Variants in PCDHGB7 observed in about 807,000 individuals in gnomAD.
PCDHGB7 encodes the protein protocadherin gamma-B7.
PCDHGB7 carries 37 observed loss-of-function variants against 61.4 expected under a neutral mutation model. That is an observed-to-expected ratio of 0.60 (90% CI 0.46 to 0.79). PCDHGB7 has a LOEUF of 0.79. Ranked by LOEUF, PCDHGB7 falls within the 30% of genes least tolerant of loss-of-function variation. The pLI is 0.00. For synonymous variants in PCDHGB7, 464 were observed against 503.5 expected, an observed-to-expected ratio of 0.92 and a Z score of 1.05; for missense variants, 1,166 against 1,202.5, an observed-to-expected ratio of 0.97 and a Z score of 0.45.
chr5:141,461,773 C>T (rs894271810), intron 1 of PCDHGB7, among the ~76,000 whole-genome samples: 3 of 152,108 alleles, frequency 2.0e-5, no homozygotes, highest in Non-Finnish European at 4.4e-5. Context: ...CCTGCCTCAG[C>T]CTCCCAAGTA....
chr5:141,433,406 TTA>T (rs2097606059), intron 1 of PCDHGB7, among the ~76,000 whole-genome samples: 1 of 149,982 alleles, frequency 6.7e-6, no homozygotes. Flanking sequence ...TATCTATCTA[TTA>T]CTTTCTTGTA....
intron 2 of PCDHGB7, among the ~76,000 whole-genome samples, chr5:141,499,209 C>G (rs1171702973): frequency 6.6e-6 from 1 of 152,096 alleles, no homozygotes; most frequent in Admixed American, 6.5e-5. Context: ...GGCTGTAACC[C>G]AGGCCCTGCC....
intron 1 of PCDHGB7, chr5:141,478,812 A>C: frequency 1.4e-6 from 2 of 1,453,554 alleles, no homozygotes; most frequent in Non-Finnish European, 1.8e-6. Context: ...TTGCTATCAC[A>C]ACTAACCAAT....
chr5:141,486,148 G>A lies in PCDHGB7; in HGVS notation c.2416-8659G>A. On this transcript the variant is annotated intron_variant, in intron 1 of 3. Coordinates refer to ENST00000398594, the MANE Select transcript of PCDHGB7 (RefSeq NM_018927.4). This position sits in a 1 kb window ranked among gnomAD's most constrained non-coding sequence, Gnocchi z 5.0. ...AATTTGATGTGCGGGCTCGCGATGG[G>A]GGTTCTCCAGCCATGGAGCAACATT... 2 of 1,614,164 alleles carry A rather than the reference G, an allele frequency of 1.2e-6. No homozygotes were observed. The highest frequency in any genetic ancestry group is 1.7e-6 in the Non-Finnish European group (2 of 1,180,026).
rs147057088 is a variant in PCDHGB7 at position 141,432,065 on chromosome 5, A to C, written c.2415+11791A>C. 6.2e-7 allele frequency: 1 copy of C among 1,613,930 alleles called. No individual in the cohort carries two copies. Among genetic ancestry groups the C allele is most frequent in the Non-Finnish European group, 8.5e-7 (1 of 1,180,014 alleles). On this transcript the variant is annotated intron_variant, in intron 1 of 3. Coordinates refer to ENST00000398594, the MANE Select transcript of PCDHGB7 (RefSeq NM_018927.4). This position sits in a 1 kb window ranked among gnomAD's most constrained non-coding sequence, Gnocchi z 6.0. ...GGGAACCCCGCCCCTATCCACGGAA[A>C]CTCATATCTCGCTGAACGTGGCAGA...
chr5:141,477,611 C>T lies in PCDHGB7; in HGVS notation c.2416-17196C>T. On this transcript the variant is annotated intron_variant, in intron 1 of 3. Coordinates refer to ENST00000398594, the MANE Select transcript of PCDHGB7 (RefSeq NM_018927.4). This position sits in a 1 kb window ranked among gnomAD's most constrained non-coding sequence, Gnocchi z 4.9. ...TCGGCTTTCTTTCTTTCTCTTGGAG[C>T]AAGGAGCTGAAACCGGGCTAGTGGG... is the stretch of plus-strand genomic sequence containing the variant. The T allele has an allele frequency of 6.2e-7, 1 of 1,614,188 alleles. No homozygotes were observed. The highest frequency in any genetic ancestry group is 8.5e-7 in the Non-Finnish European group (1 of 1,180,036).
chr5:141,432,991 C>G lies in PCDHGB7; in HGVS notation c.2415+12717C>G, dbSNP rs1269992849. ...CGGCGTCGCACTTTGTGGGCGTGGACGGGGTGCAGGCTTTCCTGCAGACCT... is the reference window on the plus strand; with the variant it reads ...CGGCGTCGCACTTTGTGGGCGTGGAGGGGGTGCAGGCTTTCCTGCAGACCT... On this transcript the variant is annotated intron_variant, in intron 1 of 3. Transcript: ENST00000398594. The surrounding 1 kb of genome is among the most constrained non-coding windows in gnomAD (Gnocchi z 6.0). The G allele has an allele frequency of 6.2e-7, 1 of 1,614,200 alleles. No homozygotes were observed. Among genetic ancestry groups the G allele is most frequent in the Admixed American group, 1.7e-5 (1 of 60,032 alleles).
Position 141,418,514 on chromosome 5 carries a change from G to A in PCDHGB7, c.655G>A (p.Asp219Asn). ...HLVLTALDGG[D>N]PPRSGTAQIR... Reference sequence around the variant, plus strand: ...GGTACTGACCGCCTTAGATGGTGGGGACCCTCCCCGAAGCGGTACTGCTCA... The same window carrying A: ...GGTACTGACCGCCTTAGATGGTGGGAACCCTCCCCGAAGCGGTACTGCTCA... Residue 219 changes from aspartate (D) to asparagine (N), a missense_variant, in exon 1 of 4, where the codon GAC (aspartate) becomes AAC (asparagine). Physicochemically the swap from Asp to Asn is conservative, Grantham distance 23. Transcript: ENST00000398594. 1 of 1,613,996 alleles carries A rather than the reference G, an allele frequency of 6.2e-7. No homozygotes were observed.
rs1340147578 is a variant in PCDHGB7, at chr5:141,487,141, T to C, written c.2416-7666T>C. On this transcript the variant is annotated intron_variant, in intron 1 of 3. Transcript: ENST00000398594. This position sits in a 1 kb window ranked among gnomAD's most constrained non-coding sequence, Gnocchi z 5.0. ...AGGATAGTGGTAGTCCACCACTCTCTACCTCTGTTACTCTCTTAGTGTCCT... is the reference window on the plus strand; with the variant it reads ...AGGATAGTGGTAGTCCACCACTCTCCACCTCTGTTACTCTCTTAGTGTCCT... The C allele has an allele frequency of 1.2e-6, 2 of 1,613,882 alleles. No individual in the cohort carries two copies. Among genetic ancestry groups the C allele is most frequent in the African/African-American group, 2.7e-5 (2 of 74,934 alleles).
chr5:141,472,494 C>T (rs561045783), intron 1 of PCDHGB7, among the ~76,000 whole-genome samples: 9 of 151,168 alleles, frequency 6.0e-5, no homozygotes, highest in South Asian at 2.1e-4. Context: ...GAGACGAGAT[C>T]GTGCCACTGC....
At chr5:141,426,539 T>C in intron 1 of PCDHGB7, 2 of 347,388 alleles carry the variant, frequency 5.8e-6, no homozygotes, top group South Asian at 4.4e-5. Flanking sequence ...GGGAACATAC[T>C]TGTGAGTGAC....
chr5:141,490,092 C>T lies in PCDHGB7; in HGVS notation c.2416-4715C>T. On this transcript the variant is annotated intron_variant, in intron 1 of 3. Coordinates refer to ENST00000398594, the MANE Select transcript of PCDHGB7 (RefSeq NM_018927.4). This position sits in a 1 kb window ranked among gnomAD's most constrained non-coding sequence, Gnocchi z 5.4. ...AACTAGACTATTCTTTTGGAGACCA[C>T]ACATCTGAGGCAGTGCGGAACCTCT... 6.2e-7 allele frequency: 1 copy of T among 1,614,240 alleles called. No individual in the cohort carries two copies.
At chr5:141,456,364 G>A (rs778916049) in intron 1 of PCDHGB7, among the ~76,000 whole-genome samples, 2 of 152,258 alleles carry the variant, frequency 1.3e-5, no homozygotes, top group Admixed American at 6.5e-5. Flanking sequence ...TCCATGTGTG[G>A]TTCAGTTTAC....
chr5:141,433,017 A>T, intron 1 of PCDHGB7: 1 of 1,614,124 alleles, frequency 6.2e-7, no homozygotes, highest in Non-Finnish European at 8.5e-7. Flanking sequence ...CTGCAGACCT[A>T]TTCCCACGAG....
chr5:141,423,802 C>A, intron 1 of PCDHGB7: 3 of 1,254,704 alleles, frequency 2.4e-6, no homozygotes, highest in South Asian at 2.9e-5. Context: ...TAGAGCAATA[C>A]ATGTGAGTTT....
Position 141,490,709 on chromosome 5 carries a change from C to T in PCDHGB7, c.2416-4098C>T. ...GACACTGGGGATAATGCCCGCCTCA[C>T]CTACTCCATTGTAGGAAATCAGGTT... On this transcript the variant is annotated intron_variant, in intron 1 of 3. Transcript: ENST00000398594. This position sits in a 1 kb window ranked among gnomAD's most constrained non-coding sequence, Gnocchi z 5.4. The T allele has an allele frequency of 1.9e-6, 3 of 1,614,218 alleles. No homozygotes were observed. Among genetic ancestry groups the T allele is most frequent in the Non-Finnish European group, 2.5e-6 (3 of 1,180,038 alleles).
chr5:141,485,434 G>A lies in PCDHGB7; in HGVS notation c.2416-9373G>A. The A allele has an allele frequency of 6.2e-7, 1 of 1,614,166 alleles. No individual in the cohort carries two copies. The highest frequency in any genetic ancestry group is 8.5e-7 in the Non-Finnish European group (1 of 1,180,018). On this transcript the variant is annotated intron_variant, in intron 1 of 3. Coordinates refer to ENST00000398594, the MANE Select transcript of PCDHGB7 (RefSeq NM_018927.4). This position sits in a 1 kb window ranked among gnomAD's most constrained non-coding sequence, Gnocchi z 5.7. ...TGGACAGCGGAGCCCTGCTCATCAA[G>A]AACCCAATCGACCGAGAGGCACTGT...
intron 1 of PCDHGB7, chr5:141,428,390 C>T (rs1043799152): frequency 8.0e-5 from 40 of 502,004 alleles, no homozygotes; most frequent in African/African-American, 6.6e-4. Context: ...TCTTCCAGCC[C>T]CTCTGCCTGG....
Position 141,499,029 on chromosome 5 carries a change from A to AAGGAAGG in PCDHGB7, c.2474+4165_2474+4166insGGAAGGA, listed in dbSNP as rs1562187768. Among the ~76,000 whole-genome samples, 348 of 140,068 alleles carry AAGGAAGG rather than the reference A, an allele frequency of 2.5e-3. 2 individuals carry two copies. The highest frequency in any genetic ancestry group is 9.3e-3 in the African/African-American group (335 of 36,066). The allele number at this position is 140,068 out of a possible 152,430, so 91.9% of individuals were successfully genotyped here. ...GGAAGGAAGGAAGGAAGGAAGGAAG[A>AAGGAAGG]AAAGAAAGAAAAAGGGAGAAAAAAT... is the stretch of plus-strand genomic sequence containing the variant. On this transcript the variant is annotated intron_variant, in intron 2 of 3. Transcript: ENST00000398594.
Sources: gnomAD v4.1 joint callset for allele counts (sites outside exome capture counted in the v4.1 genomes callset) on GRCh38, gnomAD v4.1.1 for gene constraint, Gnocchi (gnomAD v3.1) non-coding constraint, MANE v1.5 for transcripts, NCBI Gene and HGNC (gene_info 2026-07-23, HGNC 2026-07-21) for gene names.